Variants in RAI2 observed in about 807,000 individuals in gnomAD.
RAI2 encodes retinoic acid induced 2.
Under a neutral mutation model 15.3 loss-of-function variants are expected in RAI2, and 5 were observed. That is an observed-to-expected ratio of 0.33 (90% CI 0.17 to 0.69). The LOEUF (loss-of-function observed/expected upper bound fraction) is 0.69. Among genes scored for constraint, RAI2 ranks in the 30% least tolerant of loss-of-function variants. The pLI is 0.69. For synonymous variants in RAI2, 191 were observed against 184.0 expected (o/e 1.04, Z -0.31); for missense variants, 424 against 424.7 (o/e 1.00, Z 0.01).
chrX:17,841,000 C>T, intron 1 of RAI2, among the ~76,000 whole-genome samples: 1 of 112,064 alleles, frequency 8.9e-6, no homozygotes, highest in Middle Eastern at 4.2e-3. Context: ...ATCCCTATGA[C>T]TTTGTTTGTG....
chrX:17,860,184 C>T (rs1260320342), intron 1 of RAI2, among the ~76,000 whole-genome samples: 1 of 111,806 alleles, frequency 8.9e-6, no homozygotes, highest in African/African-American at 3.3e-5. Context: ...CACAAAGCAG[C>T]AGCTGTTTGG....
intron 1 of RAI2, among the ~76,000 whole-genome samples, chrX:17,819,760 G>A (rs1248353129): frequency 2.7e-5 from 3 of 112,225 alleles, no homozygotes; most frequent in African/African-American, 6.5e-5. Context: ...ACGCAAAGTC[G>A]AAAAACAGGC....
chrX:17,836,382 T>G (rs1372222459), intron 1 of RAI2, among the ~76,000 whole-genome samples: 1 of 112,410 alleles, frequency 8.9e-6, no homozygotes, highest in African/African-American at 3.2e-5. Flanking sequence ...AGAACACTTA[T>G]ATTATCCTAT....
chrX:17,830,622 C>G (rs2067271764), intron 1 of RAI2, among the ~76,000 whole-genome samples: 1 of 110,553 alleles, frequency 9.0e-6, no homozygotes, highest in Non-Finnish European at 1.9e-5. Context: ...CCGAGCTGAA[C>G]AAGCTACAAA....
chrX:17,810,282 A>T (rs1188715100), intron 1 of RAI2, among the ~76,000 whole-genome samples: 1 of 112,114 alleles, frequency 8.9e-6, no homozygotes, highest in Admixed American at 9.5e-5. Flanking sequence ...ACAGTCAGTC[A>T]CCCAAGATTA....
chrX:17,855,741 AT>A (rs751153979), intron 1 of RAI2, among the ~76,000 whole-genome samples: 98 of 111,601 alleles, frequency 8.8e-4, no homozygotes, highest in African/African-American at 2.5e-3. Flanking sequence ...TGTAATTTAA[AT>A]TTTTTTTGTA....
chrX:17,800,961 G>C lies in RAI2; in HGVS notation c.1050C>G (p.His350Gln). The change falls in exon 2 of 2, where the codon CAC (histidine) becomes CAG (glutamine). Residue 350 changes from histidine to glutamine, a missense_variant. Physicochemically the swap from His to Gln is conservative, Grantham distance 24 (BLOSUM62 0). Coordinates refer to ENST00000451717, the MANE Select transcript of RAI2 (RefSeq NM_021785.6). ...TCTCAGGGGGAGGCTCGGATTTCCGGTGGGCTGCCACTGACAGGTCTAGGG... is the reference window on the plus strand; with the variant it reads ...TCTCAGGGGGAGGCTCGGATTTCCGCTGGGCTGCCACTGACAGGTCTAGGG... ...DAALDLSVAA[H>Q]RKSEPPPETL... 1 of 1,211,200 alleles carries C rather than the reference G, an allele frequency of 8.3e-7. No homozygotes were observed. Among genetic ancestry groups the C allele is most frequent in the Non-Finnish European group, 1.1e-6 (1 of 895,128 alleles).
At chrX:17,819,894 A>T (rs2067146529) in intron 1 of RAI2, among the ~76,000 whole-genome samples, 1 of 112,627 alleles carries the variant, frequency 8.9e-6, no homozygotes, top group Admixed American at 9.4e-5. Flanking sequence ...AGCCTCTTTC[A>T]GGTGGTTACA....
At chrX:17,846,918 C>A (rs1014373619) in intron 1 of RAI2, among the ~76,000 whole-genome samples, 1 of 111,737 alleles carries the variant, frequency 8.9e-6, no homozygotes, top group African/African-American at 3.3e-5. Context: ...GGAGTGGTTT[C>A]CCCCATACTG....
chrX:17,810,862 C>T (rs1281610091), intron 1 of RAI2, among the ~76,000 whole-genome samples: 1 of 112,826 alleles, frequency 8.9e-6, no homozygotes, highest in Non-Finnish European at 1.9e-5. Flanking sequence ...ATGATGTGGG[C>T]ACCTACTGTG....
At chrX:17,822,457 CAGG>C (rs1486100461) in intron 1 of RAI2, among the ~76,000 whole-genome samples, 1 of 111,773 alleles carries the variant, frequency 8.9e-6, no homozygotes, top group Non-Finnish European at 1.9e-5. Flanking sequence ...CCCTTCCTTC[CAGG>C]AGATTTCAGC....
At chrX:17,843,934 A>G (rs1487109608) in intron 1 of RAI2, among the ~76,000 whole-genome samples, 2 of 112,480 alleles carry the variant, frequency 1.8e-5, no homozygotes, top group Admixed American at 9.4e-5. Context: ...GATTTTTGCA[A>G]TGAGTTTTCT....
chrX:17,805,989 C>T (rs779706714), intron 1 of RAI2, among the ~76,000 whole-genome samples: 21 of 112,376 alleles, frequency 1.9e-4, no homozygotes, highest in African/African-American at 6.2e-4. Context: ...TGCCAGCAAG[C>T]ACCCCACTCT....
At chrX:17,814,175 G>A (rs1243989972) in intron 1 of RAI2, among the ~76,000 whole-genome samples, 2 of 109,144 alleles carry the variant, frequency 1.8e-5, no homozygotes, top group Non-Finnish European at 3.8e-5. Context: ...GGCAACTGAA[G>A]CTCAATTCCA....
intron 1 of RAI2, among the ~76,000 whole-genome samples, chrX:17,831,591 C>G (rs1198889440): frequency 8.9e-6 from 1 of 111,901 alleles, no homozygotes; most frequent in African/African-American, 3.3e-5. Flanking sequence ...GATCTGAAAA[C>G]TTGAAGAAGG....
Position 17,800,276 on chromosome X carries a change from G to A in RAI2, c.*142C>T. ...AAAAGAAAATGATACTAGCATACAG[G>A]GCCTCTAGAGCCAATTCACCTTTCC... On this transcript the variant is annotated 3_prime_UTR_variant, in exon 2 of 2. Coordinates refer to ENST00000451717, the MANE Select transcript of RAI2 (RefSeq NM_021785.6). The A allele has an allele frequency of 1.2e-6, 1 of 803,539 alleles. No individual in the cohort carries two copies. The highest frequency in any genetic ancestry group is 1.7e-6 in the Non-Finnish European group (1 of 581,479). The allele number at this position is 803,539 out of a possible 1,213,427, so 66.2% of individuals were successfully genotyped here. A position where few individuals can be genotyped will look rare whatever the true frequency, so the allele number is the denominator to read the frequency against.
intron 1 of RAI2, among the ~76,000 whole-genome samples, chrX:17,805,283 C>G (rs771917380): frequency 8.9e-6 from 1 of 112,961 alleles, no homozygotes; most frequent in South Asian, 3.6e-4. Context: ...ATGAGAGCAT[C>G]ACATTTCTTC....
At chrX:17,829,972 C>T (rs2067265164) in intron 1 of RAI2, among the ~76,000 whole-genome samples, 1 of 112,821 alleles carries the variant, frequency 8.9e-6, no homozygotes, top group Admixed American at 9.3e-5. Flanking sequence ...TCCCAGAACA[C>T]AGACAGCACC....
At chrX:17,858,306 C>A (rs1277099631) in intron 1 of RAI2, among the ~76,000 whole-genome samples, 1 of 111,974 alleles carries the variant, frequency 8.9e-6, no homozygotes, top group East Asian at 2.8e-4. Flanking sequence ...TAAAATAATT[C>A]TTCCATCACA....
Sources: allele counts gnomAD v4.1 joint callset (sites outside exome capture counted in the v4.1 genomes callset), GRCh38; gene constraint gnomAD v4.1.1; transcripts MANE v1.5; gene names NCBI Gene and HGNC (gene_info 2026-07-23, HGNC 2026-07-21).